ATP13A3: variants seen among roughly 807,000 people sequenced by gnomAD.
ATP13A3 encodes the protein polyamine-transporting ATPase 13A3.
Under a neutral mutation model 158.1 loss-of-function variants are expected in ATP13A3, and 59 were observed. That is an observed-to-expected ratio of 0.37 (90% CI 0.30 to 0.46). The LOEUF (loss-of-function observed/expected upper bound fraction) is 0.46, where lower values mean the gene tolerates loss of function less well. Among genes scored for constraint, ATP13A3 ranks in the 20% least tolerant of loss-of-function variants. The pLI is 1.00. For missense variants in ATP13A3, 1,166 were observed against 1,525.2 expected, an observed-to-expected ratio of 0.76 and a Z score of 3.92; for synonymous variants, 491 against 504.3, an observed-to-expected ratio of 0.97 and a Z score of 0.35.
At chr3:194,406,144 A>C in intron 33 of ATP13A3, 28 bp from the exon 34 acceptor site, 1 of 1,610,018 alleles carries the variant, frequency 6.2e-7, no homozygotes, top group Non-Finnish European at 8.5e-7. Context: ...AAACAAAACA[A>C]AACACCCCAG....
chr3:194,434,569 A>G (rs1577052022), intron 20 of ATP13A3, among the ~76,000 whole-genome samples: 2 of 152,350 alleles, frequency 1.3e-5, no homozygotes, highest in South Asian at 4.1e-4. Flanking sequence ...CAAAAATAGT[A>G]CGTGCTTTAG....
At chr3:194,445,783 A>ACC (rs1257610750) in intron 14 of ATP13A3, among the ~76,000 whole-genome samples, 1 of 152,236 alleles carries the variant, frequency 6.6e-6, no homozygotes, top group Non-Finnish European at 1.5e-5. Context: ...GAAAAGTTTG[A>ACC]TAGAAGGTTT....
chr3:194,462,606 C>T (rs2108982288), intron 2 of ATP13A3, among the ~76,000 whole-genome samples: 1 of 152,268 alleles, frequency 6.6e-6, no homozygotes, highest in South Asian at 2.1e-4. Flanking sequence ...GAAACCAGTC[C>T]CTGGTGCCAA....
Position 194,405,303 on chromosome 3 carries a change from A to AGT in ATP13A3, c.*615_*616insAC, listed in dbSNP as rs1236427126. The AGT allele has an allele frequency of 6.6e-6, 1 of 152,268 alleles. No individual in the cohort carries two copies. Among genetic ancestry groups the AGT allele is most frequent in the African/African-American group, 2.4e-5 (1 of 41,460 alleles). 9.4% of individuals were successfully genotyped at this position (152,268 alleles called of 1,614,324 possible). Reference sequence around the variant, plus strand: ...CAGGCAGTTTGTACAGAAAATATAAAACCAGAAATGGAGATTACCTGAGTT... The same window carrying AGT: ...CAGGCAGTTTGTACAGAAAATATAAAGTACCAGAAATGGAGATTACCTGAGTT... On this transcript the variant is annotated 3_prime_UTR_variant, in exon 34 of 34. Coordinates refer to ENST00000645319, the MANE Select transcript of ATP13A3 (RefSeq NM_001367549.1).
upstream of ATP13A3, chr3:194,487,611 C>G (rs1721063314): frequency 6.6e-6 from 1 of 152,310 alleles, no homozygotes; most frequent in African/African-American, 2.4e-5. Flanking sequence ...GGCGCCTCTT[C>G]CGACCGTCCT....
In ATP13A3 at chr3:194,453,571, C is replaced by T. The variant is rs1462166287; in HGVS notation, c.838+135G>A. 7.1e-6 allele frequency: 5 copies of T among 702,456 alleles called. No homozygotes were observed. In the Admixed American group the frequency reaches 1.4e-4, roughly 20 times the overall value. 43.5% of individuals were successfully genotyped at this position (702,456 alleles called of 1,614,324 possible). A position where few individuals can be genotyped will look rare whatever the true frequency, so the allele number is the denominator to read the frequency against. On this transcript the variant is annotated intron_variant, in intron 10 of 33. Transcript: ENST00000645319. ...CTGAGATTGTGCCTTTGCACTCCAG[C>T]CTAAGTGACAGAGACACTGACTCAA...
In ATP13A3 at chr3:194,494,022, A is replaced by C. The variant is rs371664200; in HGVS notation, n.746+28T>G. The C allele has an allele frequency of 4.0e-4, 158 of 397,250 alleles. No individual in the cohort carries two copies. Among genetic ancestry groups the C allele is most frequent in the African/African-American group, 2.9e-3 (143 of 48,706 alleles). The allele number at this position is 397,250 out of a possible 1,614,324, so 24.6% of individuals were successfully genotyped here. On this transcript the variant is annotated intron_variant and non_coding_transcript_variant, in intron 2 of 32. Transcript: ENST00000687055. This position sits in a 1 kb window ranked among gnomAD's most constrained non-coding sequence, Gnocchi z 4.2. ...AAGCTTAAAAATCCCATTTTACAGA[A>C]TGGAAAAAGAGGTGTTCAATAACTC...
In ATP13A3 at chr3:194,405,949, A is replaced by C; in HGVS notation, c.3741T>G (p.Asn1247Lys). 6.2e-7 allele frequency: 1 copy of C among 1,614,108 alleles called. No homozygotes were observed. The highest frequency in any genetic ancestry group is 1.1e-5 in the South Asian group (1 of 91,074). Reference protein sequence around the residue: ...TTEAKALVKENGSCQIITIT With the variant: ...TTEAKALVKEKGSCQIITIT Reference sequence around the variant, plus strand: ...TTATGGTGATGATTTGACATGATCCATTCTCCTTAACTAAAGCTTTAGCTT... The same window carrying C: ...TTATGGTGATGATTTGACATGATCCCTTCTCCTTAACTAAAGCTTTAGCTT... Residue 1247 changes from asparagine to lysine, a missense_variant, in exon 34 of 34, where the codon AAT (asparagine) becomes AAG (lysine). By Grantham distance (94) the Asn-to-Lys change is moderately conservative. Around this residue, in one of 3 missense-constraint regions of ATP13A3, gnomAD observed 997 missense variants for 1,341.2 expected, o/e 0.74. Coordinates refer to ENST00000645319, the MANE Select transcript of ATP13A3 (RefSeq NM_001367549.1).
chr3:194,481,524 T>C (rs1275790998), intron 2 of ATP13A3, among the ~76,000 whole-genome samples: 3 of 152,184 alleles, frequency 2.0e-5, no homozygotes, highest in African/African-American at 4.8e-5. Context: ...CTTACTTCAC[T>C]TTCCTCTTCT....
At position 194,425,322 on chromosome 3, in the gene ATP13A3, AC is replaced by A; in HGVS notation, c.3313+19del. On this transcript the variant is annotated intron_variant, in intron 30 of 33. Transcript: ENST00000645319. ...TAAAGGGGCAAGCAGGGTGGAAATC[AC>A]AATAAATGCCAAACTTACAATTTTT... is the stretch of plus-strand genomic sequence containing the variant. 4 of 1,602,288 alleles carry A rather than the reference AC, an allele frequency of 2.5e-6. No individual in the cohort carries two copies. The highest frequency in any genetic ancestry group is 3.4e-6 in the Non-Finnish European group (4 of 1,171,934).
chr3:194,425,324 A>C lies in ATP13A3; in HGVS notation c.3313+18T>G. 2 of 1,604,194 alleles carry C rather than the reference A, an allele frequency of 1.2e-6. No individual in the cohort carries two copies. Among genetic ancestry groups the C allele is most frequent in the Non-Finnish European group, 1.7e-6 (2 of 1,173,382 alleles). ...AAGGGGCAAGCAGGGTGGAAATCAC[A>C]ATAAATGCCAAACTTACAATTTTTG... On this transcript the variant is annotated intron_variant, in intron 30 of 33. Coordinates refer to ENST00000645319, the MANE Select transcript of ATP13A3 (RefSeq NM_001367549.1).
intron 14 of ATP13A3, among the ~76,000 whole-genome samples, chr3:194,446,228 G>A (rs1443707454): frequency 6.6e-6 from 1 of 152,018 alleles, no homozygotes; most frequent in African/African-American, 2.4e-5. Context: ...TTTATAACAC[G>A]ATGGGTGCCA....
intron 29 of ATP13A3, 70 bp downstream of exon 29, chr3:194,427,005 T>C: frequency 6.6e-7 from 1 of 1,515,340 alleles, no homozygotes; most frequent in South Asian, 1.2e-5. Flanking sequence ...TATTAACTTC[T>C]AAACTCATTT....
chr3:194,440,355 T>G (rs1717959511), intron 16 of ATP13A3, among the ~76,000 whole-genome samples: 1 of 152,118 alleles, frequency 6.6e-6, no homozygotes, highest in African/African-American at 2.4e-5. Flanking sequence ...GCTGCTGACA[T>G]GAGGGTGAGG....
At chr3:194,445,125 AAAGCAAAAAAGG>A (rs1235077152) in intron 14 of ATP13A3, among the ~76,000 whole-genome samples, 54 of 152,326 alleles carry the variant, frequency 3.5e-4, no homozygotes, top group African/African-American at 1.3e-3. Context: ...GGATGCCTAT[AAAGCAAAAAAGG>A]AAGGATTACT....
chr3:194,485,274 C>T (rs1720922416), intron 2 of ATP13A3, among the ~76,000 whole-genome samples: 1 of 152,158 alleles, frequency 6.6e-6, no homozygotes, highest in African/African-American at 2.4e-5. Context: ...GAACAACTTC[C>T]AAGCACTGAT....
In ATP13A3 at chr3:194,404,095, T is replaced by C. The variant is rs1246536466; in HGVS notation, c.*1824A>G. 3 of 451,364 alleles carry C rather than the reference T, an allele frequency of 6.6e-6. No homozygotes were observed. Among genetic ancestry groups the C allele is most frequent in the Non-Finnish European group, 1.3e-5 (3 of 225,716 alleles). 28.0% of individuals were successfully genotyped at this position (451,364 alleles called of 1,614,324 possible). ...ATCACTGAAGAATAACACGAGCATA[T>C]TTGAAATTAATATGGAAATTATAAA... is the stretch of plus-strand genomic sequence containing the variant. On this transcript the variant is annotated 3_prime_UTR_variant, in exon 34 of 34. Transcript: ENST00000645319.
intron 28 of ATP13A3, among the ~76,000 whole-genome samples, 162 bp downstream of exon 28, chr3:194,428,683 T>C (rs561333683): frequency 2.0e-5 from 3 of 152,108 alleles, no homozygotes; most frequent in Non-Finnish European, 2.9e-5. Flanking sequence ...AATTAAAAAA[T>C]TGGCGCAAGA....
At chr3:194,471,341 A>G (rs961525824) in intron 2 of ATP13A3, among the ~76,000 whole-genome samples, 1 of 151,282 alleles carries the variant, frequency 6.6e-6, no homozygotes, top group African/African-American at 2.4e-5. Flanking sequence ...AAAAAAAAAA[A>G]AAAAAAGAAA....
Sources: gnomAD v4.1 joint callset for allele counts (sites outside exome capture counted in the v4.1 genomes callset) on GRCh38, gnomAD v4.1.1 for gene constraint, gnomAD v4.1.1 regional missense constraint, Gnocchi (gnomAD v3.1) non-coding constraint, MANE v1.5 for transcripts, NCBI Gene and HGNC (gene_info 2026-07-23, HGNC 2026-07-21) for gene names.